Variants in KLHDC4 observed in about 807,000 individuals in gnomAD.
KLHDC4 encodes kelch domain-containing protein 4.
In KLHDC4, 90 loss-of-function variants were observed where a neutral mutation model predicts 62.4. The observed-to-expected ratio is 1.44, with a 90% CI of 1.22 to 1.72. The LOEUF (loss-of-function observed/expected upper bound fraction) is 1.72, where lower values mean the gene tolerates loss of function less well. Ranked by LOEUF, KLHDC4 falls within the 40% of genes most tolerant of loss-of-function variation. The pLI, the probability that KLHDC4 is intolerant of heterozygous loss-of-function variation, is 0.00. For synonymous variants in KLHDC4, 386 were observed against 284.4 expected (o/e 1.36, Z -3.59); for missense variants, 1,025 against 699.7 (o/e 1.47, Z -5.25).
chr16:87,745,982 A>G (rs1208032165), intron 5 of KLHDC4, among the ~76,000 whole-genome samples: 2 of 152,194 alleles, frequency 1.3e-5, no homozygotes, highest in Non-Finnish European at 2.9e-5. Flanking sequence ...TAAGCAGCTC[A>G]GCCTGGCACA....
chr16:87,748,415 G>C (rs953953636), intron 5 of KLHDC4, among the ~76,000 whole-genome samples: 2 of 152,222 alleles, frequency 1.3e-5, no homozygotes, highest in Non-Finnish European at 2.9e-5. Flanking sequence ...CACAGGCAGC[G>C]AGAGGCTGGT....
At position 87,731,046 on chromosome 16, in the gene KLHDC4, C is replaced by CTTTTTTTT. The variant is rs774096264; in HGVS notation, c.507-410_507-403dup. ...TTGTATCCAGAATACATACAGAATT[C>CTTTTTTTT]TTTTTTTTTTTTTTTTTTTTTTTTT... On this transcript the variant is annotated intron_variant, in intron 5 of 11. Coordinates refer to ENST00000270583, the MANE Select transcript of KLHDC4 (RefSeq NM_017566.4). 31 of 72,072 alleles carry CTTTTTTTT rather than the reference C, an allele frequency of 4.3e-4. 2 individuals are homozygous for CTTTTTTTT. Among genetic ancestry groups the CTTTTTTTT allele is most frequent in the Admixed American group, 9.3e-4 (4 of 4,314 alleles). 4.5% of individuals were successfully genotyped at this position (72,072 alleles called of 1,614,324 possible).
downstream of KLHDC4, among the ~76,000 whole-genome samples, chr16:87,704,192 G>A (rs866012138): frequency 2.0e-5 from 3 of 152,248 alleles, no homozygotes; most frequent in South Asian, 2.1e-4. Context: ...CGTCCAGCGC[G>A]GGGTCTCGCC....
chr16:87,752,289 A>C (rs1309747896), intron 4 of KLHDC4, among the ~76,000 whole-genome samples: 2 of 150,262 alleles, frequency 1.3e-5, no homozygotes, highest in Non-Finnish European at 3.0e-5. Flanking sequence ...ATGAAGTCAA[A>C]CTCCAGGCAA....
intron 1 of KLHDC4, among the ~76,000 whole-genome samples, chr16:87,763,784 GGGT>G (rs2046219995): frequency 6.6e-6 from 1 of 152,118 alleles, no homozygotes; most frequent in South Asian, 2.1e-4. Flanking sequence ...CATCATCATT[GGGT>G]GACTGAAGGA....
intron 7 of KLHDC4, among the ~76,000 whole-genome samples, chr16:87,716,359 A>C (rs1160411054): frequency 6.6e-6 from 1 of 152,122 alleles, no homozygotes; most frequent in Non-Finnish European, 1.5e-5. Flanking sequence ...GGTACGCGCT[A>C]TGTCTCGTGG....
intron 4 of KLHDC4, 136 bp from the exon 5 acceptor site, chr16:87,748,945 T>A: frequency 1.0e-6 from 1 of 969,444 alleles, no homozygotes; most frequent in South Asian, 2.1e-5. Context: ...CTCAGCCACT[T>A]TCCTCTCCTG....
In KLHDC4 at chr16:87,709,723, C is replaced by G. The variant is rs1213836083; in HGVS notation, c.1045-56G>C. The G allele has an allele frequency of 2.4e-5, 35 of 1,485,586 alleles. No individual in the cohort carries two copies. The Admixed American group carries it at 7.6e-4, about 32-fold the overall frequency. The allele number at this position is 1,485,586 out of a possible 1,614,324, so 92.0% of individuals were successfully genotyped here. ...CAGCTTCAGCGAGGCAGGGGTCATT[C>G]CTGCTATGCCCACAAGGCCAGGCAA... On this transcript the variant is annotated intron_variant, in intron 9 of 11. Transcript: ENST00000270583.
At chr16:87,721,572 G>A (rs182436859) in intron 7 of KLHDC4, among the ~76,000 whole-genome samples, 44 of 152,184 alleles carry the variant, frequency 2.9e-4, no homozygotes, top group Middle Eastern at 6.8e-3. Context: ...AGCTGGGCAC[G>A]GACCTCAGGG....
intron 7 of KLHDC4, among the ~76,000 whole-genome samples, chr16:87,714,996 A>T (rs749304320): frequency 6.6e-6 from 1 of 152,214 alleles, no homozygotes; most frequent in Non-Finnish European, 1.5e-5. Context: ...CTGTGTGCAG[A>T]GGGCAGGCAC....
intron 5 of KLHDC4, among the ~76,000 whole-genome samples, chr16:87,734,746 T>C (rs780181134): frequency 4.8e-4 from 73 of 152,302 alleles, no homozygotes; most frequent in Non-Finnish European, 8.7e-4. Flanking sequence ...CTAAGTTTCT[T>C]TGGAGTCCTG....
intron 7 of KLHDC4, among the ~76,000 whole-genome samples, chr16:87,717,372 T>C (rs2037212850): frequency 6.6e-6 from 1 of 152,264 alleles, no homozygotes; most frequent in African/African-American, 2.4e-5. Context: ...ACATGTACTG[T>C]ATTTACTATA....
At chr16:87,714,601 C>T (rs376195052) in intron 7 of KLHDC4, 28 bp from the exon 8 acceptor site, 1 of 1,612,960 alleles carries the variant, frequency 6.2e-7, no homozygotes, top group African/African-American at 1.3e-5. Context: ...TGTGTGAGAA[C>T]CGGGGGCAGC....
chr16:87,761,798 A>T, intron 2 of KLHDC4, 151 bp downstream of exon 2: 1 of 769,586 alleles, frequency 1.3e-6, no homozygotes, highest in African/African-American at 1.8e-5. Flanking sequence ...GCCTCATTCC[A>T]GTTCTTCAGC....
At chr16:87,747,440 C>T (rs563940849) in intron 5 of KLHDC4, 1 of 152,200 alleles carries the variant, frequency 6.6e-6, no homozygotes, top group Non-Finnish European at 1.5e-5. Context: ...AAGATATACA[C>T]AAAGAAATCC....
chr16:87,731,662 G>A (rs573210005), intron 5 of KLHDC4, among the ~76,000 whole-genome samples: 8 of 151,910 alleles, frequency 5.3e-5, no homozygotes, highest in South Asian at 2.1e-4. Flanking sequence ...GTGAAACAAC[G>A]GTGAAACATA....
At position 87,730,592 on chromosome 16, in the gene KLHDC4, T is replaced by C. The variant is rs757047237; in HGVS notation, c.559A>G (p.Arg187Gly). Reference sequence around the variant, plus strand: ...AAGCCACCAAACAGGATCAATTGTCTCTTCCAGGCCACCATCCGATGTCCA... The same window carrying C: ...AAGCCACCAAACAGGATCAATTGTCCCTTCCAGGCCACCATCCGATGTCCA... ...RSGHRMVAWK[R>G]QLILFGGFHE... The change falls in exon 6 of 12, where the codon AGA (arginine) becomes GGA (glycine). Residue 187 changes from arginine (R) to glycine (G), a missense_variant. Coordinates refer to ENST00000270583, the MANE Select transcript of KLHDC4 (RefSeq NM_017566.4). The C allele has an allele frequency of 1.5e-5, 24 of 1,612,990 alleles. No homozygotes were observed. The highest frequency in any genetic ancestry group is 1.6e-4 in the Middle Eastern group (1 of 6,082).
rs952114004 is a variant in KLHDC4, at chr16:87,709,380, G to A, written c.1332C>T (p.Leu444=). The A allele has an allele frequency of 1.9e-6, 3 of 1,613,406 alleles. No homozygotes were observed. Among genetic ancestry groups the A allele is most frequent in the Admixed American group, 1.7e-5 (1 of 60,026 alleles). ...NAMLAVKHGV[L]YVYGGMFEAG... ...CCTCAAACATGCCCCCATAGACGTA[G>A]AGCACCCCATGCTTCACAGCCAGCA... Residue 444 remains leucine, a synonymous_variant, in exon 10 of 12, where the codon CTC becomes CTT. Coordinates refer to ENST00000270583, the MANE Select transcript of KLHDC4 (RefSeq NM_017566.4).
chr16:87,727,131 T>G (rs2039508209), intron 6 of KLHDC4, among the ~76,000 whole-genome samples: 9 of 152,176 alleles, frequency 5.9e-5, no homozygotes, highest in Non-Finnish European at 2.9e-5. Context: ...GCCAGTCAGG[T>G]CTCCTCAAAC....
Sources: allele counts gnomAD v4.1 joint callset (sites outside exome capture counted in the v4.1 genomes callset), GRCh38; gene constraint gnomAD v4.1.1; transcripts MANE v1.5; gene names NCBI Gene and HGNC (gene_info 2026-07-23, HGNC 2026-07-21).